LUZP2: variants seen among roughly 807,000 people sequenced by gnomAD.
LUZP2 encodes leucine zipper protein 2.
A neutral mutation model predicts 51.6 loss-of-function variants in LUZP2; 52 were observed. The ratio of observed to expected loss-of-function variants is 1.01; its 90% CI spans 0.81 to 1.27. LUZP2 has a LOEUF of 1.27. LUZP2 is among the 50% of genes most tolerant of loss of function. The pLI, the probability that LUZP2 is intolerant of heterozygous loss-of-function variation, is 0.00. For missense variants in LUZP2, 436 were observed against 395.4 expected (o/e 1.10, Z -0.87); for synonymous variants, 154 against 137.3 (o/e 1.12, Z -0.85).
chr11:24,980,010 C>G (rs1420740586), intron 8 of LUZP2, among the ~76,000 whole-genome samples: 1 of 151,710 alleles, frequency 6.6e-6, no homozygotes, highest in Non-Finnish European at 1.5e-5. Context: ...TACATGGGAC[C>G]TGAATATCAC....
At position 24,670,453 on chromosome 11, in the gene LUZP2, G is replaced by A. The variant is rs572340412; in HGVS notation, c.63-58716G>A. The stretch of plus-strand genomic sequence containing the variant: ...TATATAAGTATGTAAACTTAGGCCC[G>A]GTTGACTTCAGAATGTGAGTTTTGA... On this transcript the variant is annotated intron_variant, in intron 1 of 11. Coordinates refer to ENST00000336930, the MANE Select transcript of LUZP2 (RefSeq NM_001009909.4). 6.8e-4 allele frequency among the ~76,000 whole-genome samples: 103 copies of A among 151,954 alleles called. 1 individual carries two copies. In the South Asian group the frequency reaches 0.015, roughly 23 times the overall value.
chr11:25,067,545 A>T (rs1334572365), intron 10 of LUZP2, among the ~76,000 whole-genome samples: 1 of 151,856 alleles, frequency 6.6e-6, no homozygotes, highest in Admixed American at 6.6e-5. Flanking sequence ...CCAAGAAGAC[A>T]TTTATGTGGC....
chr11:24,922,696 T>C (rs1278432499), intron 7 of LUZP2, among the ~76,000 whole-genome samples: 1 of 152,104 alleles, frequency 6.6e-6, no homozygotes, highest in East Asian at 1.9e-4. Context: ...CATTCATTTG[T>C]GCGTCAAAAT....
At chr11:25,009,654 T>C (rs1856930880) in intron 9 of LUZP2, among the ~76,000 whole-genome samples, 1 of 152,302 alleles carries the variant, frequency 6.6e-6, no homozygotes, top group East Asian at 1.9e-4. Context: ...CTATTTTTCG[T>C]TTTACCTCAT....
chr11:24,738,202 C>T lies in LUZP2; in HGVS notation c.252-19C>T, dbSNP rs747300193. Reference sequence around the variant, plus strand: ...ATTATATTATTTTCTCACTTATGCTCTGTTTTCTACTAAAATAGAGAAGAA... The same window carrying T: ...ATTATATTATTTTCTCACTTATGCTTTGTTTTCTACTAAAATAGAGAAGAA... On this transcript the variant is annotated intron_variant, in intron 3 of 11. Transcript: ENST00000336930. 2.0e-6 allele frequency: 3 copies of T among 1,514,796 alleles called. No individual in the cohort carries two copies. The South Asian group carries it at 3.4e-5, about 17-fold the overall frequency. 93.8% of individuals were successfully genotyped at this position (1,514,796 alleles called of 1,614,324 possible).
At chr11:25,031,177 A>G (rs1857675659) in intron 9 of LUZP2, among the ~76,000 whole-genome samples, 1 of 149,486 alleles carries the variant, frequency 6.7e-6, no homozygotes, top group Non-Finnish European at 1.5e-5. Context: ...ACACCTGGCT[A>G]ATTTTTGTGT....
rs191750177 is a variant in LUZP2 at position 24,632,814 on chromosome 11, C to T, written c.63-96355C>T. 1.5e-3 allele frequency among the ~76,000 whole-genome samples: 229 copies of T among 152,060 alleles called. 1 individual carries two copies. The highest frequency in any genetic ancestry group is 3.4e-3 in the Middle Eastern group (1 of 294). ...AATATAAACCAAGCTGATGAGATAG[C>T]CTGAAGTTGTCAGATATATGCATCT... On this transcript the variant is annotated intron_variant, in intron 1 of 11. Transcript: ENST00000336930.
At chr11:24,763,006 C>G in intron 4 of LUZP2, 1 of 885,104 alleles carries the variant, frequency 1.1e-6, no homozygotes, top group Non-Finnish European at 1.3e-6. Context: ...TGTAGGGTTT[C>G]TCAATTTAAA....
At chr11:24,976,467 G>A in intron 7 of LUZP2, 124 bp from the exon 8 acceptor site, 2 of 475,750 alleles carry the variant, frequency 4.2e-6, no homozygotes, top group Non-Finnish European at 6.9e-6. Context: ...GAATCTTACA[G>A]GACACTGTTT....
rs1157046867 is a variant in LUZP2, at chr11:24,571,490, C to CGAGTTAAATT, written c.62+74185_62+74186insGAGTTAAATT. On this transcript the variant is annotated intron_variant, in intron 1 of 11. Transcript: ENST00000336930. ...CTAAATTTAACTCAAATGCCATTTC[C>CGAGTTAAATT]AAATTAAAGTTAGTGGATGCCTTGA... Among the ~76,000 whole-genome samples the CGAGTTAAATT allele has an allele frequency of 3.6e-4, 54 of 152,036 alleles. No individual in the cohort carries two copies. The Middle Eastern group carries it at 0.01, about 29-fold the overall frequency.
intron 8 of LUZP2, among the ~76,000 whole-genome samples, chr11:24,981,156 T>C (rs994883225): frequency 1.3e-5 from 2 of 151,872 alleles, no homozygotes; most frequent in African/African-American, 4.8e-5. Context: ...AATCATCCTC[T>C]GGGTTTTGCT....
At chr11:24,845,745 C>T (rs1221396592) in intron 5 of LUZP2, among the ~76,000 whole-genome samples, 1 of 146,874 alleles carries the variant, frequency 6.8e-6, no homozygotes, top group Non-Finnish European at 1.5e-5. Context: ...TGCACAAGCT[C>T]TCTCTCTCTT....
chr11:24,628,654 G>A (rs1031316754), intron 1 of LUZP2, among the ~76,000 whole-genome samples: 3 of 152,064 alleles, frequency 2.0e-5, no homozygotes, highest in African/African-American at 4.8e-5. Flanking sequence ...CACCTCCCAG[G>A]TTCAGGCGAT....
chr11:24,601,771 A>T (rs1289042477), intron 1 of LUZP2, among the ~76,000 whole-genome samples: 2 of 150,666 alleles, frequency 1.3e-5, no homozygotes, highest in East Asian at 3.9e-4. Flanking sequence ...AGAATTTCTG[A>T]CTTAACCAAG....
chr11:24,800,173 A>T (rs1178301683), intron 5 of LUZP2, among the ~76,000 whole-genome samples: 2 of 151,932 alleles, frequency 1.3e-5, no homozygotes, highest in Non-Finnish European at 2.9e-5. Context: ...CACTTTCCTT[A>T]TCCTACACAC....
chr11:24,745,756 C>T (rs1859357364), intron 4 of LUZP2, among the ~76,000 whole-genome samples: 1 of 152,114 alleles, frequency 6.6e-6, no homozygotes. Flanking sequence ...TGGCTCACTG[C>T]AACCTCCACC....
In LUZP2 at chr11:25,078,619, C is replaced by T. The variant is rs1859387816; in HGVS notation, c.1002C>T (p.Ser334=). Residue 334 remains serine, a synonymous_variant, in exon 12 of 12, where the codon AGC becomes AGT. Coordinates refer to ENST00000336930, the MANE Select transcript of LUZP2 (RefSeq NM_001009909.4). The stretch of plus-strand genomic sequence containing the variant: ...AAGCCCCAGAAAAACCATTGACCAG[C>T]TTTGAAGGGATGGCAGCTAGAGAAG... ...VKKAPEKPLT[S]FEGMAAREEK... 6.2e-7 allele frequency: 1 copy of T among 1,610,666 alleles called. No homozygotes were observed. The highest frequency in any genetic ancestry group is 2.2e-5 in the East Asian group (1 of 44,742).
At chr11:25,052,456 T>C (rs369992716) in intron 10 of LUZP2, among the ~76,000 whole-genome samples, 1 of 152,172 alleles carries the variant, frequency 6.6e-6, no homozygotes, top group Non-Finnish European at 1.5e-5. Flanking sequence ...ATGATTCAAA[T>C]ATGTAGGTCA....
At chr11:24,571,276 C>A (rs1405256381) in intron 1 of LUZP2, among the ~76,000 whole-genome samples, 2 of 57,406 alleles carry the variant, frequency 3.5e-5, no homozygotes, top group East Asian at 5.8e-4. Flanking sequence ...TTTTTGCTTT[C>A]CTGGCTGTGG....
Sources: gnomAD v4.1 joint callset for allele counts (sites outside exome capture counted in the v4.1 genomes callset) on GRCh38, gnomAD v4.1.1 for gene constraint, MANE v1.5 for transcripts, NCBI Gene and HGNC (gene_info 2026-07-23, HGNC 2026-07-21) for gene names.